CEL: variants seen among roughly 807,000 people sequenced by gnomAD.
The protein encoded by CEL is carboxyl ester lipase.
In CEL, 39 loss-of-function variants were observed where a neutral mutation model predicts 57.1. The observed-to-expected ratio is 0.68, with a 90% confidence interval of 0.53 to 0.89. The LOEUF (loss-of-function observed/expected upper bound fraction) is 0.89, where lower values mean the gene tolerates loss of function less well. Ranked by LOEUF, CEL falls within the 40% of genes least tolerant of loss-of-function variation. The pLI, the probability that CEL is intolerant of heterozygous loss-of-function variation, is 0.00. For missense variants in CEL, 698 were observed against 915.0 expected (o/e 0.76, Z 3.06); for synonymous variants, 314 against 396.6 (o/e 0.79, Z 2.48).
chr9:133,066,182 A>G lies in CEL; in HGVS notation c.539-348A>G, dbSNP rs1360849607. 2.6e-5 allele frequency among the ~76,000 whole-genome samples: 4 copies of G among 152,110 alleles called. No homozygotes were observed. Among genetic ancestry groups the G allele is most frequent in the African/African-American group, 9.7e-5 (4 of 41,414 alleles). ...AGACAGGAGGGACTGGGGCAGGGGC[A>G]GGAGAGGTGCATGGGCCTGACCATC... On this transcript the variant is annotated intron_variant, in intron 4 of 10. Transcript: ENST00000372080. The surrounding 1 kb of genome is among the most constrained non-coding windows in gnomAD (Gnocchi z 4.3).
intron 7 of CEL, among the ~76,000 whole-genome samples, chr9:133,067,901 G>A (rs1191576059): frequency 1.3e-5 from 2 of 152,192 alleles, no homozygotes; most frequent in Non-Finnish European, 2.9e-5. Flanking sequence ...CCAGCCTCCA[G>A]CTCCACTATT....
chr9:133,064,287 G>A (rs1830138144), intron 1 of CEL, 117 bp from the exon 2 acceptor site: 1 of 1,399,464 alleles, frequency 7.1e-7, no homozygotes, highest in Non-Finnish European at 9.9e-7. Flanking sequence ...GTGCAGAGCT[G>A]TCCTGCTTTG....
chr9:133,070,698 G>A lies in CEL; in HGVS notation c.1484+40G>A, dbSNP rs367548118. On this transcript the variant is annotated intron_variant, in intron 10 of 10. Transcript: ENST00000372080. Reference sequence around the variant, plus strand: ...GAGTGCAGGGCGGAGGGCCACAGCCGAGAAGGGCCTCCCACCACGAGGCCT... The same window carrying A: ...GAGTGCAGGGCGGAGGGCCACAGCCAAGAAGGGCCTCCCACCACGAGGCCT... The A allele has an allele frequency of 1.4e-3, 2,215 of 1,612,514 alleles. 35 individuals are homozygous for A. In the South Asian group the frequency reaches 0.02, roughly 14 times the overall value.
chr9:133,064,576 C>G, intron 2 of CEL, 22 bp downstream of exon 2: 2 of 1,614,058 alleles, frequency 1.2e-6, no homozygotes, highest in Non-Finnish European at 1.7e-6. Context: ...TGGTGCCGGA[C>G]TGGCCCTGCG....
intron 1 of CEL, among the ~76,000 whole-genome samples, chr9:133,063,892 G>T (rs1830132212): frequency 6.6e-6 from 1 of 152,196 alleles, no homozygotes; most frequent in Non-Finnish European, 1.5e-5. Flanking sequence ...TAGGCCCTGT[G>T]CAGGGAGATG....
At chr9:133,067,018 C>T in intron 6 of CEL, 70 bp from the exon 7 acceptor site, 7 of 1,606,094 alleles carry the variant, frequency 4.4e-6, no homozygotes, top group Non-Finnish European at 6.0e-6. Flanking sequence ...GGACCCCATC[C>T]TTGCCTTCAA....
At chr9:133,070,000 A>T (rs948925118) in intron 9 of CEL, among the ~76,000 whole-genome samples, 3 of 152,022 alleles carry the variant, frequency 2.0e-5, no homozygotes, top group African/African-American at 7.3e-5. Context: ...TAATAAAAAT[A>T]AAAAATAAGT....
At position 133,071,279 on chromosome 9, in the gene CEL, G is replaced by A. The variant is rs763405407; in HGVS notation, c.1777G>A (p.Val593Met). Residue 593 changes from valine (V) to methionine (M), a missense_variant, in exon 11 of 11, where the codon GTG becomes ATG. By Grantham distance (21) the Val-to-Met change is conservative. Around this residue, in one of 6 missense-constraint regions of CEL, gnomAD observed 238 missense variants for 213.7 expected, o/e 1.11. Transcript: ENST00000372080. ...CACGGGTGACTCCGGGGCCCCCCCC[G>A]TGCCGCCCACGGGTGACTCCGGGGC... Reference protein sequence around the residue: ...PPTGDSGAPPVPPTGDSGAPP... With the variant: ...PPTGDSGAPPMPPTGDSGAPP... 54 of 1,442,440 alleles carry A rather than the reference G, an allele frequency of 3.7e-5. No homozygotes were observed. In the South Asian group the frequency reaches 4.8e-4, roughly 13 times the overall value. 89.4% of individuals were successfully genotyped at this position (1,442,440 alleles called of 1,614,324 possible).
chr9:133,066,487 G>A lies in CEL; in HGVS notation c.539-43G>A, dbSNP rs1163826324. 3.7e-6 allele frequency: 6 copies of A among 1,612,828 alleles called. No homozygotes were observed. Among genetic ancestry groups the A allele is most frequent in the Admixed American group, 1.7e-5 (1 of 60,018 alleles). On this transcript the variant is annotated intron_variant, in intron 4 of 10. Coordinates refer to ENST00000372080, the MANE Select transcript of CEL (RefSeq NM_001807.6). This position sits in a 1 kb window ranked among gnomAD's most constrained non-coding sequence, Gnocchi z 4.3. ...ATCTCCCCTCCTGGAGGCCAGGCCT[G>A]GGCCACTGGTCTCTAGCACCCCCTC...
At position 133,066,788 on chromosome 9, in the gene CEL, G is replaced by T. The variant is rs752352827; in HGVS notation, c.670-50G>T. Reference sequence around the variant, plus strand: ...TGGGGTGTCCTTGTCCCAGCGTGGGGTGGGCAGAGTGGGGAGCGGCCTTGG... The same window carrying T: ...TGGGGTGTCCTTGTCCCAGCGTGGGTTGGGCAGAGTGGGGAGCGGCCTTGG... On this transcript the variant is annotated intron_variant, in intron 5 of 10. Coordinates refer to ENST00000372080, the MANE Select transcript of CEL (RefSeq NM_001807.6). The surrounding 1 kb of genome is among the most constrained non-coding windows in gnomAD (Gnocchi z 4.3). 6.5e-5 allele frequency: 104 copies of T among 1,606,720 alleles called. No homozygotes were observed. Among genetic ancestry groups the T allele is most frequent in the Non-Finnish European group, 8.6e-5 (101 of 1,175,264 alleles).
chr9:133,070,944 C>G, intron 10 of CEL, 43 bp from the exon 11 acceptor site: 1 of 1,607,316 alleles, frequency 6.2e-7, no homozygotes, highest in Admixed American at 1.7e-5. Context: ...CTTCAGCCCC[C>G]TGGGAGTCCC....
Position 133,071,807 on chromosome 9 carries a change from C to A in CEL, c.*43C>A. ...TATCAAGAGGCCACAAGAGTGGGAC[C>A]CCAGGGGCTCCCCTCCCATCTTGAG... On this transcript the variant is annotated 3_prime_UTR_variant, in exon 11 of 11. Coordinates refer to ENST00000372080, the MANE Select transcript of CEL (RefSeq NM_001807.6). The A allele has an allele frequency of 6.5e-7, 1 of 1,549,150 alleles. No homozygotes were observed. Among genetic ancestry groups the A allele is most frequent in the Non-Finnish European group, 8.9e-7 (1 of 1,123,498 alleles).
At chr9:133,070,365 C>A in intron 9 of CEL, 96 bp from the exon 10 acceptor site, 19 of 1,018,450 alleles carry the variant, frequency 1.9e-5, no homozygotes, top group Non-Finnish European at 2.5e-5. Flanking sequence ...CAGACACTTC[C>A]CTGCCCACTG....
At chr9:133,070,763 A>G in intron 10 of CEL, 105 bp downstream of exon 10, 1 of 1,423,104 alleles carries the variant, frequency 7.0e-7, no homozygotes, top group Non-Finnish European at 9.9e-7. Flanking sequence ...TGGGCAAGTC[A>G]CTTAACCTCC....
In CEL at chr9:133,065,100, G is replaced by T. The variant is rs766932471; in HGVS notation, c.401G>T (p.Gly134Val). The change falls in exon 4 of 11, where the codon GGC becomes GTC. Residue 134 changes from glycine to valine, a missense_variant. Physicochemically the swap from Gly to Val is moderately radical, Grantham distance 109. This residue lies in a region of CEL where 327 missense variants were observed against 374.1 expected (regional missense o/e 0.87). Coordinates refer to ENST00000372080, the MANE Select transcript of CEL (RefSeq NM_001807.6). ...IYGGAFLMGSGHGANFLNNYL... is the reference protein window; with the variant it reads ...IYGGAFLMGSVHGANFLNNYL... Reference sequence around the variant, plus strand: ...GGAGGCGCCTTCCTCATGGGGTCCGGCCATGGGGCCAACTTCCTCAACAAC... The same window carrying T: ...GGAGGCGCCTTCCTCATGGGGTCCGTCCATGGGGCCAACTTCCTCAACAAC... 7 of 1,613,990 alleles carry T rather than the reference G, an allele frequency of 4.3e-6. No individual in the cohort carries two copies. In the East Asian group the frequency reaches 1.3e-4, roughly 31 times the overall value.
chr9:133,066,624 C>T lies in CEL; in HGVS notation c.633C>T (p.Phe211=), dbSNP rs762719603. Residue 211 remains phenylalanine (F), a synonymous_variant, in exon 5 of 11, where the codon TTC becomes TTT. Coordinates refer to ENST00000372080, the MANE Select transcript of CEL (RefSeq NM_001807.6). The surrounding 1 kb of genome is among the most constrained non-coding windows in gnomAD (Gnocchi z 4.3). ...FGGDPNNITL[F]GESAGGASVS... ...GGGACCCCAACAACATCACGCTCTT[C>T]GGGGAGTCTGCTGGAGGTGCCAGCG... is the stretch of plus-strand genomic sequence containing the variant. 1.2e-5 allele frequency: 19 copies of T among 1,613,598 alleles called. No individual in the cohort carries two copies. The highest frequency in any genetic ancestry group is 1.1e-4 in the African/African-American group (8 of 74,886).
In CEL at chr9:133,067,089, T is replaced by G; in HGVS notation, c.779T>G (p.Val260Gly). Residue 260 changes from valine (V) to glycine (G), a missense_variant and splice_region_variant, in exon 7 of 11, where the codon GTG becomes GGG. This residue lies in a region of CEL where 327 missense variants were observed against 374.1 expected (regional missense o/e 0.87). Coordinates refer to ENST00000372080, the MANE Select transcript of CEL (RefSeq NM_001807.6). ...QKNPLFWAKK[V>G]AEKVGCPVGD... ...TGCTGGCCTTGGTTCTGCCCCCAGGTGGCTGAGAAGGTGGGTTGCCCTGTG... is the reference window on the plus strand; with the variant it reads ...TGCTGGCCTTGGTTCTGCCCCCAGGGGGCTGAGAAGGTGGGTTGCCCTGTG... 6.2e-7 allele frequency: 1 copy of G among 1,614,104 alleles called. No individual in the cohort carries two copies. The highest frequency in any genetic ancestry group is 2.2e-5 in the East Asian group (1 of 44,876).
At chr9:133,062,742 G>A (rs531135855) in intron 1 of CEL, among the ~76,000 whole-genome samples, 32 of 150,904 alleles carry the variant, frequency 2.1e-4, no homozygotes, top group Admixed American at 1.1e-3. Context: ...AAGGGGAAAC[G>A]GGCCCAGGGG....
rs549131137 is a variant in CEL at position 133,064,056 on chromosome 9, G to A, written c.67-348G>A. On this transcript the variant is annotated intron_variant, in intron 1 of 10. Transcript: ENST00000372080. Reference sequence around the variant, plus strand: ...CCGACAGGAGACACGGCTGTTGCTCGTCTTCCACATGGGGAAACTGAGGAT... The same window carrying A: ...CCGACAGGAGACACGGCTGTTGCTCATCTTCCACATGGGGAAACTGAGGAT... Among the ~76,000 whole-genome samples the A allele has an allele frequency of 5.9e-5, 9 of 152,324 alleles. No homozygotes were observed. The South Asian group carries it at 6.2e-4, about 11-fold the overall frequency.
Sources: allele counts gnomAD v4.1 joint callset (sites outside exome capture counted in the v4.1 genomes callset), GRCh38; gene constraint gnomAD v4.1.1; regional missense constraint gnomAD v4.1.1; non-coding constraint Gnocchi (gnomAD v3.1); transcripts MANE v1.5; gene names NCBI Gene and HGNC (gene_info 2026-07-23, HGNC 2026-07-21).